Variants in CCDC47 observed in about 807,000 individuals in gnomAD.
CCDC47 encodes the protein coiled-coil domain containing 47.
A neutral mutation model predicts 60.5 loss-of-function variants in CCDC47; 41 were observed. The observed-to-expected ratio is 0.68, with a 90% CI of 0.53 to 0.88. The LOEUF (loss-of-function observed/expected upper bound fraction) is 0.88. Ranked by LOEUF, CCDC47 falls within the 40% of genes least tolerant of loss-of-function variation. CCDC47 has a pLI of 0.00. For missense variants in CCDC47, 513 were observed against 580.9 expected, an observed-to-expected ratio of 0.88 and a Z score of 1.20; for synonymous variants, 195 against 190.7, an observed-to-expected ratio of 1.02 and a Z score of -0.18.
chr17:63,746,741 G>C lies in CCDC47; in HGVS notation c.*140C>G. On this transcript the variant is annotated 3_prime_UTR_variant, in exon 13 of 13. Transcript: ENST00000225726. The stretch of plus-strand genomic sequence containing the variant: ...TCTGTAAAACCCCAAACCCCAAACA[G>C]AGTAGATGATGAAATAAGGATTTCT... The C allele has an allele frequency of 3.0e-6, 2 of 669,074 alleles. No homozygotes were observed. The highest frequency in any genetic ancestry group is 2.7e-5 in the East Asian group (1 of 36,628). The allele number at this position is 669,074 out of a possible 1,614,324, so 41.4% of individuals were successfully genotyped here.
intron 6 of CCDC47, among the ~76,000 whole-genome samples, chr17:63,759,494 A>C (rs1218617814): frequency 3.9e-5 from 1 of 25,500 alleles, no homozygotes; most frequent in Non-Finnish European, 5.8e-5. Flanking sequence ...GTCTCCCAAA[A>C]AAAAAAAAAA....
At chr17:63,752,986 G>A (rs1177867929) in intron 9 of CCDC47, 187 bp from the exon 10 acceptor site, 1 of 880,032 alleles carries the variant, frequency 1.1e-6, no homozygotes. Context: ...CTATCTGATG[G>A]ATGCATTCTC....
rs180903726 is a variant in CCDC47, at chr17:63,767,793, T to C, written c.-19-1599A>G. Among the ~76,000 whole-genome samples the C allele has an allele frequency of 7.2e-5, 11 of 152,312 alleles. No individual in the cohort carries two copies. The East Asian group carries it at 1.7e-3, about 24-fold the overall frequency. ...CTCAGGCTGACCCAATCCCTGCCTA[T>C]AGTCATCTCAAAATCATCAGGTATC... On this transcript the variant is annotated intron_variant, in intron 1 of 12. Transcript: ENST00000225726.
chr17:63,766,258 A>C, intron 1 of CCDC47, 64 bp from the exon 2 acceptor site: 4 of 1,436,552 alleles, frequency 2.8e-6, no homozygotes, highest in Non-Finnish European at 3.7e-6. Context: ...GATTTTATAA[A>C]CAGTAAAAAT....
chr17:63,758,243 A>T (rs4968663), intron 6 of CCDC47, among the ~76,000 whole-genome samples: 105,782 of 152,182 alleles, frequency 0.7, 38,050 homozygotes, highest in African/African-American at 0.9. Flanking sequence ...GAACCCGATT[A>T]ATAGTTAGTT....
At position 63,761,351 on chromosome 17, in the gene CCDC47, C is replaced by T; in HGVS notation, c.548G>A (p.Gly183Glu). 1 of 1,613,718 alleles carries T rather than the reference C, an allele frequency of 6.2e-7. No homozygotes were observed. The highest frequency in any genetic ancestry group is 8.5e-7 in the Non-Finnish European group (1 of 1,179,916). ...ELLESNFTLVGDDGTNKEATS... is the reference protein window; with the variant it reads ...ELLESNFTLVEDDGTNKEATS... ...GGCTTCTTTGTTAGTTCCATCATCC[C>T]CTAGGGGTAAAACCACTTAATGTGA... The change falls in exon 5 of 13, where the codon GGG becomes GAG. Residue 183 changes from glycine to glutamate, a missense_variant and splice_region_variant. Coordinates refer to ENST00000225726, the MANE Select transcript of CCDC47 (RefSeq NM_020198.3).
chr17:63,761,581 C>A, intron 4 of CCDC47: 1 of 295,382 alleles, frequency 3.4e-6, no homozygotes, highest in Non-Finnish European at 6.2e-6. Flanking sequence ...CCTGTAGTCC[C>A]AGCTACTCAG....
At chr17:63,763,636 C>T (rs537507409) in intron 4 of CCDC47, among the ~76,000 whole-genome samples, 53 of 151,744 alleles carry the variant, frequency 3.5e-4, no homozygotes, top group Non-Finnish European at 5.3e-4. Context: ...CCATCCTGGC[C>T]AACATGGTGA....
intron 10 of CCDC47, 28 bp from the exon 11 acceptor site, chr17:63,752,457 G>C: frequency 7.0e-7 from 1 of 1,434,356 alleles, no homozygotes; most frequent in South Asian, 1.2e-5. Flanking sequence ...TTTTCCTACT[G>C]AGTTAATGGT....
chr17:63,757,312 G>A (rs2039215216), intron 6 of CCDC47, among the ~76,000 whole-genome samples: 1 of 151,036 alleles, frequency 6.6e-6, no homozygotes, highest in African/African-American at 2.4e-5. Context: ...GCTGGAGGCT[G>A]TAGTAAGTGA....
chr17:63,746,709 T>G lies in CCDC47; in HGVS notation c.*172A>C, dbSNP rs1295375100. 1 of 496,238 alleles carries G rather than the reference T, an allele frequency of 2.0e-6. No homozygotes were observed. Among genetic ancestry groups the G allele is most frequent in the Admixed American group, 3.5e-5 (1 of 28,188 alleles). The allele number at this position is 496,238 out of a possible 1,614,324, so 30.7% of individuals were successfully genotyped here. On this transcript the variant is annotated 3_prime_UTR_variant, in exon 13 of 13. Transcript: ENST00000225726. ...TGAAACAGAGCCCTTTCCAGGTATC[T>G]TCAATCTCTGTAAAACCCCAAACCC...
Position 63,766,102 on chromosome 17 carries a change from A to C in CCDC47, c.74T>G (p.Phe25Cys). The change falls in exon 2 of 13, where the codon TTT becomes TGT. Residue 25 changes from phenylalanine to cysteine, a missense_variant. Coordinates refer to ENST00000225726, the MANE Select transcript of CCDC47 (RefSeq NM_020198.3). Reference sequence around the variant, plus strand: ...CTCTACTATGTCCTCCTCATCCTCAAAATCATCAAACTTGGCTTCAGAGAC... The same window carrying C: ...CTCTACTATGTCCTCCTCATCCTCACAATCATCAAACTTGGCTTCAGAGAC... ...GSVSEAKFDD[F>C]EDEEDIVEYD... 1 of 1,614,066 alleles carries C rather than the reference A, an allele frequency of 6.2e-7. No individual in the cohort carries two copies.
chr17:63,750,664 A>G (rs1397420419), intron 12 of CCDC47, among the ~76,000 whole-genome samples: 3 of 151,580 alleles, frequency 2.0e-5, no homozygotes, highest in African/African-American at 4.9e-5. Flanking sequence ...TGCTCACTGC[A>G]ACCTCTGCCT....
intron 1 of CCDC47, among the ~76,000 whole-genome samples, chr17:63,770,753 A>T (rs935001200): frequency 1.3e-5 from 2 of 152,196 alleles, no homozygotes; most frequent in Non-Finnish European, 2.9e-5. Flanking sequence ...TGGGAGGCCA[A>T]TACGGGCAGA....
intron 8 of CCDC47, chr17:63,755,421 A>G: frequency 1.3e-5 from 3 of 226,246 alleles, no homozygotes; most frequent in Non-Finnish European, 2.2e-5. Flanking sequence ...GGAATTCCAG[A>G]CCAGCCTGGC....
At chr17:63,752,686 C>T in intron 10 of CCDC47, 55 bp downstream of exon 10, 1 of 1,560,848 alleles carries the variant, frequency 6.4e-7, no homozygotes, top group Non-Finnish European at 8.7e-7. Flanking sequence ...ACAATACTCT[C>T]CTTAAGGTCA....
intron 4 of CCDC47, chr17:63,762,034 C>T (rs766136605): frequency 1.4e-5 from 13 of 950,858 alleles, no homozygotes; most frequent in Middle Eastern, 5.4e-4. Flanking sequence ...ACAAACTACT[C>T]AACAATTTCT....
chr17:63,747,752 A>T (rs1034770229), intron 12 of CCDC47: 2 of 985,236 alleles, frequency 2.0e-6, no homozygotes, highest in African/African-American at 1.7e-5. Flanking sequence ...AGGGAAGAAA[A>T]GAAGAAGTGC....
intron 9 of CCDC47, chr17:63,753,554 A>G (rs2144475182): frequency 1.3e-6 from 1 of 771,952 alleles, no homozygotes; most frequent in Non-Finnish European, 1.6e-6. Context: ...TTTCAAACCG[A>G]GCATAAAGGT....
Sources: allele counts gnomAD v4.1 joint callset (sites outside exome capture counted in the v4.1 genomes callset), GRCh38; gene constraint gnomAD v4.1.1; transcripts MANE v1.5; gene names NCBI Gene and HGNC (gene_info 2026-07-23, HGNC 2026-07-21).